Variants in OSBPL1A observed in about 807,000 individuals in gnomAD.
The protein encoded by OSBPL1A is oxysterol-binding protein-related protein 1.
In OSBPL1A, 80 loss-of-function variants were observed where a neutral mutation model predicts 137.1. The ratio of observed to expected loss-of-function variants is 0.58; its 90% confidence interval spans 0.49 to 0.70. The LOEUF (loss-of-function observed/expected upper bound fraction) is 0.70. Ranked by LOEUF, OSBPL1A falls within the 30% of genes least tolerant of loss-of-function variation. OSBPL1A has a pLI of 0.00. For synonymous variants in OSBPL1A, 365 were observed against 389.7 expected (o/e 0.94, Z 0.75); for missense variants, 970 against 1,129.4 (o/e 0.86, Z 2.02).
rs2086065767 is a variant in OSBPL1A at position 24,163,413 on chromosome 18, T to C, written c.2751-132A>G. On this transcript the variant is annotated intron_variant, in intron 27 of 27. Transcript: ENST00000319481. ...GTGAGGGATAGTTCTAAAGAGATGCTGAAGTGATGCTGTATTTCTGCTTAG... is the reference window on the plus strand; with the variant it reads ...GTGAGGGATAGTTCTAAAGAGATGCCGAAGTGATGCTGTATTTCTGCTTAG... The C allele has an allele frequency of 6.7e-6, 4 of 600,994 alleles. No individual in the cohort carries two copies. The South Asian group carries it at 8.8e-5, about 13-fold the overall frequency. 37.2% of individuals were successfully genotyped at this position (600,994 alleles called of 1,614,324 possible). A position where few individuals can be genotyped will look rare whatever the true frequency, so the allele number is the denominator to read the frequency against.
chr18:24,346,404 C>T (rs1388167200), intron 4 of OSBPL1A, among the ~76,000 whole-genome samples: 1 of 152,186 alleles, frequency 6.6e-6, no homozygotes, highest in Non-Finnish European at 1.5e-5. Context: ...TACATCATCA[C>T]TATCTAATTT....
intron 4 of OSBPL1A, among the ~76,000 whole-genome samples, chr18:24,366,042 T>C (rs928412489): frequency 1.8e-4 from 27 of 152,096 alleles, no homozygotes; most frequent in African/African-American, 6.5e-4. Flanking sequence ...CAGCTGCAGG[T>C]CCAGACCTCC....
At chr18:24,187,785 A>C (rs1235662986) in intron 18 of OSBPL1A, among the ~76,000 whole-genome samples, 9 of 152,214 alleles carry the variant, frequency 5.9e-5, no homozygotes, top group Admixed American at 5.9e-4. Context: ...GCAGCATGGC[A>C]TAGGGACCTG....
chr18:24,166,583 C>G lies in OSBPL1A; in HGVS notation c.2655G>C (p.Glu885Asp), dbSNP rs759478112. The change falls in exon 26 of 28, where the codon GAG becomes GAC. Residue 885 changes from glutamate (E) to aspartate (D), a missense_variant. By Grantham distance (45) the Glu-to-Asp change is conservative (BLOSUM62 2). This residue lies in a region of OSBPL1A where 323 missense variants were observed against 456.8 expected (regional missense o/e 0.71). Transcript: ENST00000319481. ...RPDIRAMENG[E>D]IDQASEEKKR... ...GCTTTGGCGGATGCTAGTTACCTATCTCTCCATTTTCCATGGCTCTGATGT... is the reference window on the plus strand; with the variant it reads ...GCTTTGGCGGATGCTAGTTACCTATGTCTCCATTTTCCATGGCTCTGATGT... 2 of 1,607,838 alleles carry G rather than the reference C, an allele frequency of 1.2e-6. No homozygotes were observed. The highest frequency in any genetic ancestry group is 1.7e-6 in the Non-Finnish European group (2 of 1,178,158).
chr18:24,340,934 T>A (rs2091264382), intron 5 of OSBPL1A, among the ~76,000 whole-genome samples: 1 of 152,162 alleles, frequency 6.6e-6, no homozygotes, highest in Non-Finnish European at 1.5e-5. Context: ...TTCCCTCATG[T>A]CTCTAATTTT....
At position 24,318,785 on chromosome 18, in the gene OSBPL1A, T is replaced by G; in HGVS notation, c.650A>C (p.Gln217Pro). Residue 217 changes from glutamine to proline, a missense_variant, in exon 8 of 28, where the codon CAG (glutamine) becomes CCG (proline). Coordinates refer to ENST00000319481, the MANE Select transcript of OSBPL1A (RefSeq NM_080597.4). Reference sequence around the variant, plus strand: ...AAGAATGTGTTTCATTTCAGCACCCTGGGCAAGGTCAAGAGGTTTCTGATC... The same window carrying G: ...AAGAATGTGTTTCATTTCAGCACCCGGGGCAAGGTCAAGAGGTTTCTGATC... ...KNDQKPLDLA[Q>P]GAEMKHILVG... The G allele has an allele frequency of 6.2e-7, 1 of 1,613,562 alleles. No individual in the cohort carries two copies. The highest frequency in any genetic ancestry group is 8.5e-7 in the Non-Finnish European group (1 of 1,179,958).
At chr18:24,340,527 AGGCACGGT>A (rs2091257759) in intron 5 of OSBPL1A, among the ~76,000 whole-genome samples, 1 of 152,050 alleles carries the variant, frequency 6.6e-6, no homozygotes, top group African/African-American at 2.4e-5. Flanking sequence ...ATAGCGAGCC[AGGCACGGT>A]GGCTCAGGAC....
chr18:24,330,357 G>A (rs1052941363), intron 7 of OSBPL1A, among the ~76,000 whole-genome samples: 4 of 151,598 alleles, frequency 2.6e-5, no homozygotes, highest in African/African-American at 9.7e-5. Flanking sequence ...CCAAACTCCT[G>A]CTTATCAAAA....
intron 23 of OSBPL1A, among the ~76,000 whole-genome samples, chr18:24,171,049 T>G (rs908536232): frequency 7.9e-5 from 12 of 151,928 alleles, no homozygotes; most frequent in Non-Finnish European, 1.8e-4. Context: ...TTTGTTTTTT[T>G]TTTTTTAGAT....
At chr18:24,353,300 A>C (rs1234584592) in intron 4 of OSBPL1A, among the ~76,000 whole-genome samples, 2 of 152,348 alleles carry the variant, frequency 1.3e-5, no homozygotes, top group Admixed American at 1.3e-4. Context: ...TTACGCAGCC[A>C]AAAAACACAT....
At chr18:24,308,155 G>A (rs1401253486) in intron 13 of OSBPL1A, among the ~76,000 whole-genome samples, 6 of 141,944 alleles carry the variant, frequency 4.2e-5, no homozygotes, top group East Asian at 2.0e-4. Flanking sequence ...TCACTCTGTC[G>A]CCCAGGCTGG....
intron 4 of OSBPL1A, among the ~76,000 whole-genome samples, chr18:24,348,899 G>C (rs912283336): frequency 3.3e-5 from 5 of 152,148 alleles, no homozygotes; most frequent in African/African-American, 9.7e-5. Context: ...CAGGTGCGGT[G>C]GCTCACTCCT....
intron 15 of OSBPL1A, among the ~76,000 whole-genome samples, chr18:24,262,726 G>C (rs551357476): frequency 1.8e-5 from 2 of 112,582 alleles, no homozygotes; most frequent in East Asian, 4.9e-4. Context: ...AAGTTCTCAT[G>C]TGCCCCTTTC....
At chr18:24,322,417 G>A (rs1019073897) in intron 7 of OSBPL1A, among the ~76,000 whole-genome samples, 7 of 151,924 alleles carry the variant, frequency 4.6e-5, no homozygotes, top group Non-Finnish European at 1.0e-4. Context: ...CACCGTGCCC[G>A]GCCTTGTATG....
intron 11 of OSBPL1A, among the ~76,000 whole-genome samples, chr18:24,315,172 G>C (rs142058057): frequency 2.6e-5 from 4 of 152,310 alleles, no homozygotes; most frequent in Non-Finnish European, 2.9e-5. Flanking sequence ...CATGCCTAAG[G>C]TTTTGCACCT....
intron 15 of OSBPL1A, among the ~76,000 whole-genome samples, chr18:24,275,574 G>T (rs2089825848): frequency 6.6e-6 from 1 of 152,178 alleles, no homozygotes; most frequent in Non-Finnish European, 1.5e-5. Flanking sequence ...AAGAGATCAT[G>T]ACTTTGTAGA....
chr18:24,306,228 C>A (rs1398375751), intron 13 of OSBPL1A, among the ~76,000 whole-genome samples: 1 of 152,092 alleles, frequency 6.6e-6, no homozygotes, highest in African/African-American at 2.4e-5. Flanking sequence ...AGCAGCTGAG[C>A]CACATTTACA....
intron 4 of OSBPL1A, among the ~76,000 whole-genome samples, chr18:24,351,252 G>T (rs1167403555): frequency 6.7e-6 from 1 of 149,512 alleles, no homozygotes; most frequent in Non-Finnish European, 1.5e-5. Context: ...AGGAGGCTGA[G>T]GCAGGAGAAT....
intron 19 of OSBPL1A, 123 bp downstream of exon 19, chr18:24,181,022 C>G (rs1003134435): frequency 3.3e-6 from 4 of 1,200,952 alleles, no homozygotes; most frequent in Non-Finnish European, 4.6e-6. Context: ...GCGGACTGAG[C>G]TTTGATAAAA....
Sources: allele counts gnomAD v4.1 joint callset (sites outside exome capture counted in the v4.1 genomes callset), GRCh38; gene constraint gnomAD v4.1.1; regional missense constraint gnomAD v4.1.1; transcripts MANE v1.5; gene names NCBI Gene and HGNC (gene_info 2026-07-23, HGNC 2026-07-21).